The following RAP1GDS1 variants were observed in gnomAD, a reference collection of about 807,000 sequenced individuals.
RAP1GDS1 encodes RAP1, GTP-GDP dissociation stimulator 1.
Under a neutral mutation model 71.1 loss-of-function variants are expected in RAP1GDS1, and 35 were observed. The ratio of observed to expected loss-of-function variants is 0.49; its 90% CI spans 0.38 to 0.65. RAP1GDS1 has a LOEUF of 0.65. Among genes scored for constraint, RAP1GDS1 ranks in the 30% least tolerant of loss-of-function variants. The pLI, the probability that RAP1GDS1 is intolerant of heterozygous loss-of-function variation, is 0.00. For synonymous variants in RAP1GDS1, 229 were observed against 243.1 expected, an observed-to-expected ratio of 0.94 and a Z score of 0.54; for missense variants, 663 against 706.1, an observed-to-expected ratio of 0.94 and a Z score of 0.69.
At chr4:98,289,101 C>CT (rs1288792329) in intron 1 of RAP1GDS1, among the ~76,000 whole-genome samples, 3 of 152,002 alleles carry the variant, frequency 2.0e-5, no homozygotes, top group Admixed American at 6.6e-5. Context: ...CAAGGTAGCC[C>CT]TTTTTTTACT....
intron 7 of RAP1GDS1, among the ~76,000 whole-genome samples, chr4:98,410,013 CA>C (rs1232930018): frequency 2.0e-5 from 3 of 152,124 alleles, no homozygotes; most frequent in African/African-American, 7.2e-5. Context: ...CTCATGACTG[CA>C]ATCCTAATGG....
intron 2 of RAP1GDS1, among the ~76,000 whole-genome samples, chr4:98,326,842 G>A (rs1346944656): frequency 6.6e-6 from 1 of 152,140 alleles, no homozygotes; most frequent in Non-Finnish European, 1.5e-5. Flanking sequence ...AAGGTAGGTG[G>A]AAGAAAAGAC....
At chr4:98,386,133 A>G (rs1401923602) in intron 5 of RAP1GDS1, among the ~76,000 whole-genome samples, 1 of 151,846 alleles carries the variant, frequency 6.6e-6, no homozygotes, top group Non-Finnish European at 1.5e-5. Context: ...TAATCAGAAT[A>G]AACATATCTA....
At chr4:98,281,024 A>C (rs1381133734) in intron 1 of RAP1GDS1, among the ~76,000 whole-genome samples, 1 of 152,160 alleles carries the variant, frequency 6.6e-6, no homozygotes, top group Non-Finnish European at 1.5e-5. Flanking sequence ...CTTGTAGTAT[A>C]GTTTGAAGTC....
At chr4:98,363,788 A>C (rs1381929670) in intron 4 of RAP1GDS1, among the ~76,000 whole-genome samples, 1 of 152,178 alleles carries the variant, frequency 6.6e-6, no homozygotes, top group Non-Finnish European at 1.5e-5. Flanking sequence ...GAAGGGAAGC[A>C]TTGAGACTAA....
intron 1 of RAP1GDS1, among the ~76,000 whole-genome samples, chr4:98,289,047 GAAGT>G (rs1726494996): frequency 6.6e-6 from 1 of 152,080 alleles, no homozygotes; most frequent in Non-Finnish European, 1.5e-5. Context: ...AGCTTGCTAA[GAAGT>G]AAGATAATTT....
intron 6 of RAP1GDS1, among the ~76,000 whole-genome samples, chr4:98,401,200 T>C (rs1422809715): frequency 6.6e-6 from 1 of 152,196 alleles, no homozygotes; most frequent in African/African-American, 2.4e-5. Flanking sequence ...GAAATGAAAT[T>C]GATTAATATC....
chr4:98,264,282 G>T (rs375297461), intron 1 of RAP1GDS1, among the ~76,000 whole-genome samples: 1 of 152,100 alleles, frequency 6.6e-6, no homozygotes. Flanking sequence ...TGTAATCCCA[G>T]CTGTTTGGGA....
At chr4:98,316,733 G>T (rs1379954630) in intron 2 of RAP1GDS1, among the ~76,000 whole-genome samples, 1 of 152,142 alleles carries the variant, frequency 6.6e-6, no homozygotes, top group African/African-American at 2.4e-5. Flanking sequence ...TCCAAGCCTG[G>T]GTCTTGGGGT....
At chr4:98,288,673 T>G (rs1406033236) in intron 1 of RAP1GDS1, among the ~76,000 whole-genome samples, 7 of 152,152 alleles carry the variant, frequency 4.6e-5, no homozygotes, top group Admixed American at 4.6e-4. Context: ...TCCTGTTTCT[T>G]CACATCCTCT....
rs536077415 is a variant in RAP1GDS1 at position 98,297,623 on chromosome 4, A to G, written c.112+4108A>G. On this transcript the variant is annotated intron_variant, in intron 2 of 14. Transcript: ENST00000408927. ...ATGTATGATGGTAAACTTAATTGAT[A>G]AATATTGTGTCTGTCTGACTGCCCC... 1.4e-4 allele frequency among the ~76,000 whole-genome samples: 21 copies of G among 152,260 alleles called. No homozygotes were observed. In the South Asian group the frequency reaches 3.9e-3, roughly 29 times the overall value.
At chr4:98,401,470 GTACAAATA>G (rs1745398058) in intron 6 of RAP1GDS1, among the ~76,000 whole-genome samples, 3 of 152,104 alleles carry the variant, frequency 2.0e-5, no homozygotes, top group African/African-American at 7.2e-5. Flanking sequence ...TAAACTAGCA[GTACAAATA>G]TGTAGTTTAG....
chr4:98,288,396 G>A (rs532119365), intron 1 of RAP1GDS1, among the ~76,000 whole-genome samples: 1 of 152,266 alleles, frequency 6.6e-6, no homozygotes, highest in South Asian at 2.1e-4. Flanking sequence ...ATTCCATGGT[G>A]TATATGTGCC....
intron 14 of RAP1GDS1, among the ~76,000 whole-genome samples, chr4:98,438,565 T>C (rs1364996630): frequency 1.5e-5 from 2 of 134,676 alleles, no homozygotes; most frequent in Non-Finnish European, 3.1e-5. Context: ...CATTTATTCT[T>C]CCATATATAT....
intron 2 of RAP1GDS1, among the ~76,000 whole-genome samples, chr4:98,335,862 A>G (rs1206767492): frequency 6.7e-6 from 1 of 149,296 alleles, no homozygotes; most frequent in Non-Finnish European, 1.5e-5. Flanking sequence ...TAAATTTTAT[A>G]TCATACTTGT....
In RAP1GDS1 at chr4:98,382,224, T is replaced by C. The variant is rs1264069001; in HGVS notation, c.508+3061T>C. Among the ~76,000 whole-genome samples the C allele has an allele frequency of 4.0e-5, 6 of 151,742 alleles. No homozygotes were observed. In the South Asian group the frequency reaches 1.2e-3, roughly 31 times the overall value. On this transcript the variant is annotated intron_variant, in intron 5 of 14. Coordinates refer to ENST00000408927, the MANE Select transcript of RAP1GDS1 (RefSeq NM_001100427.2). Reference sequence around the variant, plus strand: ...GTGAAGCAGTTAATACTCAGGTAAGTGTAGAATAATCTGAATAGCAAAAGT... The same window carrying C: ...GTGAAGCAGTTAATACTCAGGTAAGCGTAGAATAATCTGAATAGCAAAAGT...
chr4:98,313,960 G>C (rs2110326430), intron 2 of RAP1GDS1, among the ~76,000 whole-genome samples: 1 of 152,280 alleles, frequency 6.6e-6, no homozygotes, highest in South Asian at 2.1e-4. Flanking sequence ...TTCTTAAAGA[G>C]ACATAAGGAT....
chr4:98,283,064 A>C (rs774494068), intron 1 of RAP1GDS1, among the ~76,000 whole-genome samples: 1 of 152,176 alleles, frequency 6.6e-6, no homozygotes, highest in Non-Finnish European at 1.5e-5. Context: ...ACATACCATC[A>C]AAGTTTTTTT....
At chr4:98,317,548 C>T (rs760612066) in intron 2 of RAP1GDS1, among the ~76,000 whole-genome samples, 3 of 151,982 alleles carry the variant, frequency 2.0e-5, no homozygotes, top group African/African-American at 7.3e-5. Context: ...TAGTGAAGCA[C>T]GAGAACTAAA....
Sources: gnomAD v4.1 joint callset for allele counts (sites outside exome capture counted in the v4.1 genomes callset) on GRCh38, gnomAD v4.1.1 for gene constraint, MANE v1.5 for transcripts, NCBI Gene and HGNC (gene_info 2026-07-23, HGNC 2026-07-21) for gene names.